WDFY3: variants seen among roughly 807,000 people sequenced by gnomAD.
The protein encoded by WDFY3 is WD repeat and FYVE domain-containing protein 3.
WDFY3 carries 66 observed loss-of-function variants against 409.6 expected under a neutral mutation model. That is an observed-to-expected ratio of 0.16 (90% CI 0.13 to 0.20). The LOEUF (loss-of-function observed/expected upper bound fraction) is 0.20. Among genes scored for constraint, WDFY3 ranks in the 10% least tolerant of loss-of-function variants. WDFY3 has a pLI of 1.00. For missense variants in WDFY3, 3,031 were observed against 4,298.1 expected (o/e 0.71, Z 8.24); for synonymous variants, 1,521 against 1,537.1 (o/e 0.99, Z 0.25).
At chr4:84,799,009 T>C (rs1750007585) in intron 17 of WDFY3, among the ~76,000 whole-genome samples, 1 of 152,184 alleles carries the variant, frequency 6.6e-6, no homozygotes, top group African/African-American at 2.4e-5. Context: ...ACTTAAGACA[T>C]ACATAAAACT....
At chr4:84,779,105 G>C (rs1237685746) in intron 26 of WDFY3, among the ~76,000 whole-genome samples, 1 of 152,022 alleles carries the variant, frequency 6.6e-6, no homozygotes, top group African/African-American at 2.4e-5. Flanking sequence ...AAGGTTGAAT[G>C]ATAGTCTATG....
intron 44 of WDFY3, among the ~76,000 whole-genome samples, chr4:84,728,491 G>A (rs867165604): frequency 6.6e-6 from 1 of 151,988 alleles, no homozygotes; most frequent in East Asian, 1.9e-4. Flanking sequence ...GATCACCACT[G>A]CACTCCAGCC....
rs1731550999 is a variant in WDFY3 at position 84,704,212 on chromosome 4, T to G, written c.8442+126A>C. On this transcript the variant is annotated intron_variant, in intron 55 of 67. Coordinates refer to ENST00000295888, the MANE Select transcript of WDFY3 (RefSeq NM_014991.6). ...CCAACAAAATTCTACTTTAGTTATG[T>G]AACTACTTTGTCACTAAAATTTCGC... 9 of 648,180 alleles carry G rather than the reference T, an allele frequency of 1.4e-5. No individual in the cohort carries two copies. In the South Asian group the frequency reaches 2.4e-4, roughly 17 times the overall value. 40.2% of individuals were successfully genotyped at this position (648,180 alleles called of 1,614,324 possible). A position where few individuals can be genotyped will look rare whatever the true frequency, so the allele number is the denominator to read the frequency against.
At chr4:84,950,255 G>C (rs568312777) in intron 1 of WDFY3, among the ~76,000 whole-genome samples, 4 of 151,852 alleles carry the variant, frequency 2.6e-5, no homozygotes, top group Admixed American at 2.6e-4. Context: ...TCGGGGGTTG[G>C]GGGGCAAGGG....
chr4:84,717,447 ACTTCATGTGACC>A (rs1308712131), intron 48 of WDFY3, among the ~76,000 whole-genome samples: 1 of 152,230 alleles, frequency 6.6e-6, no homozygotes. Flanking sequence ...CCCACGAAAG[ACTTCATGTGACC>A]CTGATTGTTG....
intron 23 of WDFY3, among the ~76,000 whole-genome samples, 174 bp downstream of exon 23, chr4:84,787,308 T>C (rs1165255375): frequency 6.6e-6 from 1 of 152,064 alleles, no homozygotes; most frequent in Non-Finnish European, 1.5e-5. Context: ...GAAAGTGCAG[T>C]ATAATCAGTG....
Position 84,847,058 on chromosome 4 carries a change from C to T in WDFY3, c.304+2844G>A, listed in dbSNP as rs142580693. On this transcript the variant is annotated intron_variant, in intron 5 of 67. Coordinates refer to ENST00000295888, the MANE Select transcript of WDFY3 (RefSeq NM_014991.6). ...ACTGAAAAGAGTAAGAGAGGGAGTACGCATTGAGGGGCACAAGGCACCATG... is the reference window on the plus strand; with the variant it reads ...ACTGAAAAGAGTAAGAGAGGGAGTATGCATTGAGGGGCACAAGGCACCATG... 4.3e-3 allele frequency among the ~76,000 whole-genome samples: 652 copies of T among 152,078 alleles called. 4 individuals carry two copies. The highest frequency in any genetic ancestry group is 0.015 in the African/African-American group (606 of 41,500).
intron 3 of WDFY3, among the ~76,000 whole-genome samples, chr4:84,877,259 G>A (rs769317100): frequency 6.6e-5 from 10 of 152,136 alleles, no homozygotes; most frequent in Admixed American, 1.3e-4. Context: ...GGCTCTCCCC[G>A]TCTGGCTCTT....
chr4:84,935,475 A>G (rs1165606919), intron 1 of WDFY3, among the ~76,000 whole-genome samples: 24 of 152,116 alleles, frequency 1.6e-4, no homozygotes, highest in Admixed American at 1.5e-3. Flanking sequence ...GTATTTCTTC[A>G]TGTTTCTTGG....
intron 4 of WDFY3, among the ~76,000 whole-genome samples, chr4:84,857,065 T>C (rs767062421): frequency 1.3e-5 from 2 of 152,148 alleles, no homozygotes; most frequent in Non-Finnish European, 2.9e-5. Flanking sequence ...ATGGTACAGA[T>C]ATAACTTTCT....
At chr4:84,839,266 T>C (rs1757006606) in intron 6 of WDFY3, among the ~76,000 whole-genome samples, 1 of 151,978 alleles carries the variant, frequency 6.6e-6, no homozygotes, top group South Asian at 2.1e-4. Context: ...TTATATAAAG[T>C]TTTAATAGCA....
chr4:84,737,722 A>T (rs1242612792), intron 40 of WDFY3, among the ~76,000 whole-genome samples: 2 of 152,220 alleles, frequency 1.3e-5, no homozygotes, highest in African/African-American at 4.8e-5. Context: ...GTTCAAAACT[A>T]AGTTAGTATT....
intron 1 of WDFY3, among the ~76,000 whole-genome samples, chr4:84,940,678 G>A (rs1771992485): frequency 6.6e-6 from 1 of 151,958 alleles, no homozygotes; most frequent in South Asian, 2.1e-4. Context: ...CCTTTTATAA[G>A]ATACAATATC....
chr4:84,699,249 C>T (rs1227688648), intron 56 of WDFY3, among the ~76,000 whole-genome samples: 3 of 152,182 alleles, frequency 2.0e-5, no homozygotes, highest in Non-Finnish European at 2.9e-5. Flanking sequence ...GAACACCAAT[C>T]TGTGTCCTGT....
intron 1 of WDFY3, among the ~76,000 whole-genome samples, chr4:84,964,938 A>G (rs1286676225): frequency 6.6e-6 from 1 of 152,230 alleles, no homozygotes; most frequent in Non-Finnish European, 1.5e-5. Flanking sequence ...ATACTTTACT[A>G]TTGCTCAAAT....
intron 56 of WDFY3, among the ~76,000 whole-genome samples, chr4:84,699,443 G>A (rs767247961): frequency 5.9e-5 from 9 of 152,060 alleles, no homozygotes; most frequent in Non-Finnish European, 1.0e-4. Flanking sequence ...TGCTACAACT[G>A]GTTTATCCAC....
chr4:84,941,946 C>G (rs915660176), intron 1 of WDFY3, among the ~76,000 whole-genome samples: 1 of 151,924 alleles, frequency 6.6e-6, no homozygotes, highest in Admixed American at 6.6e-5. Context: ...GCCAGTGCTA[C>G]AGTAATCAGA....
intron 1 of WDFY3, among the ~76,000 whole-genome samples, chr4:84,960,006 G>A (rs1307056193): frequency 6.6e-6 from 1 of 152,174 alleles, no homozygotes; most frequent in Non-Finnish European, 1.5e-5. Context: ...GTCTATGAAT[G>A]TTAGAAATAA....
chr4:84,905,762 A>G (rs902815544), intron 2 of WDFY3, among the ~76,000 whole-genome samples: 6 of 152,040 alleles, frequency 3.9e-5, no homozygotes, highest in African/African-American at 1.4e-4. Context: ...ATCCCTTTCT[A>G]CCTTTCAAAC....
Sources: gnomAD v4.1 joint callset for allele counts (sites outside exome capture counted in the v4.1 genomes callset) on GRCh38, gnomAD v4.1.1 for gene constraint, MANE v1.5 for transcripts, NCBI Gene and HGNC (gene_info 2026-07-23, HGNC 2026-07-21) for gene names.